Variants in GHR observed in about 807,000 individuals in gnomAD.
The protein encoded by GHR is GH receptor.
In GHR, 35 loss-of-function variants were observed where a neutral mutation model predicts 67.1. That is an observed-to-expected ratio of 0.52 (90% confidence interval 0.40 to 0.69). GHR has a LOEUF of 0.69. Ranked by LOEUF, GHR falls within the 30% of genes least tolerant of loss-of-function variation. The pLI is 0.00. For synonymous variants in GHR, 272 were observed against 269.1 expected (o/e 1.01, Z -0.10); for missense variants, 792 against 764.6 (o/e 1.04, Z -0.42).
At chr5:42,555,942 T>C (rs1749284766) in intron 1 of GHR, among the ~76,000 whole-genome samples, 2 of 152,140 alleles carry the variant, frequency 1.3e-5, no homozygotes, top group Middle Eastern at 3.2e-3. Context: ...TTGAGACCCA[T>C]AGTGATTAAA....
At chr5:42,693,142 C>CTT (rs5867597) in intron 4 of GHR, among the ~76,000 whole-genome samples, 1 of 147,510 alleles carries the variant, frequency 6.8e-6, no homozygotes. Context: ...GCATATGCAA[C>CTT]TTTTTTTTTT....
chr5:42,454,447 G>A (rs148392457), intron 1 of GHR, among the ~76,000 whole-genome samples: 1,648 of 152,282 alleles, frequency 0.011, 61 homozygotes, highest in Admixed American at 0.059. Flanking sequence ...TTTTGTGTTC[G>A]GCTGCCAAGG....
chr5:42,639,542 T>C (rs776856531), intron 3 of GHR, among the ~76,000 whole-genome samples: 3 of 152,214 alleles, frequency 2.0e-5, no homozygotes, highest in Non-Finnish European at 4.4e-5. Context: ...ATTTGAATTA[T>C]TGTGAAAGCC....
At chr5:42,481,073 G>T (rs960335699) in intron 1 of GHR, among the ~76,000 whole-genome samples, 11 of 152,052 alleles carry the variant, frequency 7.2e-5, no homozygotes, top group African/African-American at 2.7e-4. Flanking sequence ...GCTCTTTTAG[G>T]GCAGGCCTGG....
At chr5:42,500,415 C>T (rs1195457054) in intron 1 of GHR, among the ~76,000 whole-genome samples, 1 of 152,230 alleles carries the variant, frequency 6.6e-6, no homozygotes, top group East Asian at 1.9e-4. Flanking sequence ...ATTTCTTGGC[C>T]TCAGCCTCCT....
chr5:42,687,626 G>A (rs1229717060), intron 3 of GHR, among the ~76,000 whole-genome samples: 2 of 152,128 alleles, frequency 1.3e-5, no homozygotes, highest in African/African-American at 4.8e-5. Context: ...TGTTGCCAGA[G>A]GAAAAAAGAA....
intron 1 of GHR, among the ~76,000 whole-genome samples, chr5:42,451,603 G>A (rs554663529): frequency 1.3e-5 from 2 of 151,708 alleles, no homozygotes; most frequent in South Asian, 2.1e-4. Context: ...CTACTCAAGA[G>A]GCTGTGGCAG....
chr5:42,483,053 G>T (rs973183695), intron 1 of GHR, among the ~76,000 whole-genome samples: 3 of 152,174 alleles, frequency 2.0e-5, no homozygotes, highest in African/African-American at 7.2e-5. Context: ...TGTGATTCTT[G>T]CTGGCATTCA....
intron 1 of GHR, among the ~76,000 whole-genome samples, chr5:42,534,213 TG>T (rs1748126224): frequency 8.2e-6 from 1 of 121,664 alleles, no homozygotes; most frequent in Non-Finnish European, 1.7e-5. Flanking sequence ...TATGTATATA[TG>T]TATATATGTA....
chr5:42,718,993 G>T lies in GHR; in HGVS notation c.1486G>T (p.Ala496Ser), dbSNP rs984431226. 3 of 1,609,970 alleles carry T rather than the reference G, an allele frequency of 1.9e-6. No homozygotes were observed. The Admixed American group carries it at 5.0e-5, about 27-fold the overall frequency. The change falls in exon 10 of 10, where the codon GCA becomes TCA. Residue 496 changes from alanine to serine, a missense_variant. By Grantham distance (99) the Ala-to-Ser change is moderately conservative. Coordinates refer to ENST00000230882, the MANE Select transcript of GHR (RefSeq NM_000163.5). ...FYAQVSDITP[A>S]GSVVLSPGQK... ...TGCCCAGGTGAGCGACATTACACCAGCAGGTAGTGTGGTCCTTTCCCCGGG... is the reference window on the plus strand; with the variant it reads ...TGCCCAGGTGAGCGACATTACACCATCAGGTAGTGTGGTCCTTTCCCCGGG...
intron 1 of GHR, among the ~76,000 whole-genome samples, chr5:42,535,110 G>A (rs1416842343): frequency 1.3e-5 from 2 of 152,050 alleles, no homozygotes; most frequent in Non-Finnish European, 2.9e-5. Flanking sequence ...TCTGTGGGTT[G>A]CCCATTTACT....
At chr5:42,684,048 A>G (rs1182294791) in intron 3 of GHR, among the ~76,000 whole-genome samples, 4 of 151,568 alleles carry the variant, frequency 2.6e-5, no homozygotes, top group Non-Finnish European at 4.4e-5. Context: ...TCTTGCTATT[A>G]TGTAACAGGC....
intron 1 of GHR, among the ~76,000 whole-genome samples, chr5:42,511,290 A>G (rs141890119): frequency 1.3e-5 from 2 of 152,332 alleles, no homozygotes; most frequent in African/African-American, 2.4e-5. Flanking sequence ...TAAAAGAACA[A>G]CACCACCCCA....
intron 5 of GHR, among the ~76,000 whole-genome samples, chr5:42,699,452 TA>T (rs1429926068): frequency 2.6e-5 from 4 of 152,222 alleles, no homozygotes; most frequent in African/African-American, 9.6e-5. Flanking sequence ...CTAAATTCTG[TA>T]AGTCTTTCTG....
At chr5:42,479,938 A>G (rs910237941) in intron 1 of GHR, among the ~76,000 whole-genome samples, 25 of 150,998 alleles carry the variant, frequency 1.7e-4, no homozygotes, top group African/African-American at 3.7e-4. Context: ...GCTTTTGAAT[A>G]TGTTTGCTCT....
intron 2 of GHR, among the ~76,000 whole-genome samples, chr5:42,584,821 A>T (rs1420718671): frequency 2.0e-5 from 3 of 152,002 alleles, no homozygotes; most frequent in African/African-American, 7.2e-5. Flanking sequence ...ACACACGTGC[A>T]TGTACAGAAC....
chr5:42,455,463 CT>C (rs1744223062), intron 1 of GHR, among the ~76,000 whole-genome samples: 1 of 152,178 alleles, frequency 6.6e-6, no homozygotes, highest in Non-Finnish European at 1.5e-5. Flanking sequence ...GAGATACCAT[CT>C]TTTGTTTCTT....
chr5:42,704,818 C>G (rs1438637568), intron 6 of GHR, among the ~76,000 whole-genome samples: 1 of 151,908 alleles, frequency 6.6e-6, no homozygotes, highest in Non-Finnish European at 1.5e-5. Flanking sequence ...TCAGAATGGT[C>G]TCTTATGAAC....
intron 1 of GHR, among the ~76,000 whole-genome samples, chr5:42,511,693 T>G (rs180693214): frequency 6.6e-6 from 1 of 151,896 alleles, no homozygotes; most frequent in East Asian, 1.9e-4. Flanking sequence ...TGTTTGCAGG[T>G]GTGTGTGTGT....
Sources: gnomAD v4.1 joint callset for allele counts (sites outside exome capture counted in the v4.1 genomes callset) on GRCh38, gnomAD v4.1.1 for gene constraint, MANE v1.5 for transcripts, NCBI Gene and HGNC (gene_info 2026-07-23, HGNC 2026-07-21) for gene names.